The following COL5A1 variants were observed in gnomAD, a reference collection of about 807,000 sequenced individuals.
COL5A1 encodes collagen alpha-1(V) chain.
COL5A1 carries 16 observed loss-of-function variants against 263.7 expected under a neutral mutation model. That is an observed-to-expected ratio of 0.06 (90% CI 0.04 to 0.09). The LOEUF (loss-of-function observed/expected upper bound fraction) is 0.09, where lower values mean the gene tolerates loss of function less well. COL5A1 is among the 10% of genes least tolerant of loss of function. The probability of loss-of-function intolerance (pLI) is 1.00; values close to 1 mark genes in which losing one functional copy is unlikely to be tolerated. For synonymous variants in COL5A1, 1,012 were observed against 1,004.5 expected, an observed-to-expected ratio of 1.01 and a Z score of -0.14; for missense variants, 2,036 against 2,540.5, an observed-to-expected ratio of 0.80 and a Z score of 4.27.
At chr9:134,654,193 G>C (rs1212831973) in intron 1 of COL5A1, among the ~76,000 whole-genome samples, 2 of 147,340 alleles carry the variant, frequency 1.4e-5, no homozygotes, top group Non-Finnish European at 3.0e-5. Flanking sequence ...GAGGTGTGTA[G>C]GGCTGGAGGT....
At chr9:134,813,204 G>T (rs550358446) in intron 48 of COL5A1, among the ~76,000 whole-genome samples, 1 of 152,184 alleles carries the variant, frequency 6.6e-6, no homozygotes, top group African/African-American at 2.4e-5. Flanking sequence ...GTGTGTGTGT[G>T]TGTGCCTGTG....
chr9:134,759,842 G>T (rs564946674), intron 18 of COL5A1, among the ~76,000 whole-genome samples: 1 of 9,498 alleles, frequency 1.1e-4, no homozygotes, highest in Non-Finnish European at 1.6e-4. Context: ...CCCCACTCAC[G>T]CACACCCCCA....
At position 134,765,343 on chromosome 9, in the gene COL5A1, G is replaced by T. The variant is rs1387274246; in HGVS notation, c.2035-338G>T. Among the ~76,000 whole-genome samples, 1 of 151,760 alleles carries T rather than the reference G, an allele frequency of 6.6e-6. No homozygotes were observed. The highest frequency in any genetic ancestry group is 2.4e-5 in the African/African-American group (1 of 41,420). On this transcript the variant is annotated intron_variant, in intron 20 of 65. Transcript: ENST00000371817. The surrounding 1 kb of genome is among the most constrained non-coding windows in gnomAD (Gnocchi z 5.1). ...CCGTGCAGTGGAATGTTATAGCGTG[G>T]TGATTCTCTGGGGGAGCGTCTGCTC... is the stretch of plus-strand genomic sequence containing the variant.
intron 4 of COL5A1, among the ~76,000 whole-genome samples, chr9:134,726,253 G>A (rs1016803448): frequency 1.3e-5 from 2 of 152,170 alleles, no homozygotes; most frequent in African/African-American, 4.8e-5. Flanking sequence ...GAGTGAATGG[G>A]TGGTGGATTG....
chr9:134,665,706 C>T (rs995715854), intron 1 of COL5A1, among the ~76,000 whole-genome samples: 2 of 152,132 alleles, frequency 1.3e-5, no homozygotes, highest in Admixed American at 6.5e-5. Context: ...GTGGGGCTGG[C>T]GGCTCTGGGA....
intron 4 of COL5A1, among the ~76,000 whole-genome samples, chr9:134,711,952 G>A (rs1047578712): frequency 6.6e-5 from 10 of 151,502 alleles, no homozygotes; most frequent in African/African-American, 2.4e-4. Flanking sequence ...TGCCTGACAG[G>A]AAGTGAACCC....
chr9:134,716,679 T>A lies in COL5A1; in HGVS notation c.655-10587T>A, dbSNP rs1437783753. Among the ~76,000 whole-genome samples, 1 of 152,188 alleles carries A rather than the reference T, an allele frequency of 6.6e-6. No homozygotes were observed. The highest frequency in any genetic ancestry group is 1.5e-5 in the Non-Finnish European group (1 of 68,034). On this transcript the variant is annotated intron_variant, in intron 4 of 65. Coordinates refer to ENST00000371817, the MANE Select transcript of COL5A1 (RefSeq NM_000093.5). This position sits in a 1 kb window ranked among gnomAD's most constrained non-coding sequence, Gnocchi z 4.5. ...GATGAGGCCCCCTCTCCGAGTTTGC[T>A]GAGCTGACCCTTCAGTCCCTGTGGC... is the stretch of plus-strand genomic sequence containing the variant.
intron 1 of COL5A1, among the ~76,000 whole-genome samples, chr9:134,684,357 C>G (rs1379639477): frequency 6.6e-6 from 1 of 152,208 alleles, no homozygotes. Context: ...CGTTGCTGGG[C>G]TGGGTGCTGT....
At position 134,707,004 on chromosome 9, in the gene COL5A1, G is replaced by A. The variant is rs117014679; in HGVS notation, c.654+5671G>A. ...CCGGAGGGCTCCATGCACCTCTCTA[G>A]AGTCTCACCTCATCTATGGGCCCTG... On this transcript the variant is annotated intron_variant, in intron 4 of 65. Transcript: ENST00000371817. Among the ~76,000 whole-genome samples the A allele has an allele frequency of 6.6e-3, 1,000 of 152,344 alleles. 5 individuals are homozygous for A. The highest frequency in any genetic ancestry group is 0.014 in the Middle Eastern group (4 of 294).
chr9:134,742,531 G>A lies in COL5A1; in HGVS notation c.1494+3723G>A, dbSNP rs1214383606. ...CGCAGGGAGATAGAGGTAGACCTGGGGTTGAACTCAGATCTCCTGTGGCAG... is the reference window on the plus strand; with the variant it reads ...CGCAGGGAGATAGAGGTAGACCTGGAGTTGAACTCAGATCTCCTGTGGCAG... On this transcript the variant is annotated intron_variant, in intron 11 of 65. Coordinates refer to ENST00000371817, the MANE Select transcript of COL5A1 (RefSeq NM_000093.5). The surrounding 1 kb of genome is among the most constrained non-coding windows in gnomAD (Gnocchi z 4.6). 6.6e-6 allele frequency among the ~76,000 whole-genome samples: 1 copy of A among 152,152 alleles called. No individual in the cohort carries two copies. Among genetic ancestry groups the A allele is most frequent in the East Asian group, 1.9e-4 (1 of 5,170 alleles).
At chr9:134,723,213 T>TGCACCGCTGTCCTGAG (rs1212757840) in intron 4 of COL5A1, among the ~76,000 whole-genome samples, 1 of 152,182 alleles carries the variant, frequency 6.6e-6, no homozygotes, top group Non-Finnish European at 1.5e-5. Context: ...AGCTGCTTCC[T>TGCACCGCTGTCCTGAG]GCACCGCTGT....
intron 1 of COL5A1, among the ~76,000 whole-genome samples, chr9:134,649,882 A>G (rs576426383): frequency 3.3e-5 from 5 of 152,338 alleles, no homozygotes; most frequent in Admixed American, 2.0e-4. Context: ...TGTCCTTTGC[A>G]GGGACATGGA....
In COL5A1 at chr9:134,696,215, C is replaced by A. The variant is rs930148199; in HGVS notation, c.278-3694C>A. On this transcript the variant is annotated intron_variant, in intron 2 of 65. Transcript: ENST00000371817. This position sits in a 1 kb window ranked among gnomAD's most constrained non-coding sequence, Gnocchi z 4.3. The stretch of plus-strand genomic sequence containing the variant: ...TTGAGACAGAGTCTCACTCTGTCGC[C>A]CAGGCTGGAGTGCAGTGGTGTAATC... 6.6e-6 allele frequency among the ~76,000 whole-genome samples: 1 copy of A among 152,102 alleles called. No homozygotes were observed. The highest frequency in any genetic ancestry group is 6.5e-5 in the Admixed American group (1 of 15,270).
At chr9:134,649,463 A>G (rs1455977028) in intron 1 of COL5A1, 1 of 469,946 alleles carries the variant, frequency 2.1e-6, no homozygotes, top group Non-Finnish European at 4.4e-6. Flanking sequence ...CTGCCCATGA[A>G]ATGGAAGCTT....
At chr9:134,820,662 G>A (rs1001066788) in intron 58 of COL5A1, among the ~76,000 whole-genome samples, 4 of 152,166 alleles carry the variant, frequency 2.6e-5, no homozygotes, top group Non-Finnish European at 4.4e-5. Context: ...CCCCCAAACT[G>A]TAGCTCATTG....
At chr9:134,738,865 CCT>C (rs1835199148) in intron 11 of COL5A1, 57 bp downstream of exon 11, 21 of 1,382,240 alleles carry the variant, frequency 1.5e-5, no homozygotes. Flanking sequence ...GCCCACGCCT[CCT>C]CTCCACACTG....
chr9:134,791,727 G>C (rs941339691), intron 32 of COL5A1, among the ~76,000 whole-genome samples: 2 of 140,226 alleles, frequency 1.4e-5, no homozygotes, highest in African/African-American at 5.2e-5. Flanking sequence ...TTCGCCCTTG[G>C]CCGCCCTTCT....
intron 24 of COL5A1, among the ~76,000 whole-genome samples, chr9:134,768,200 G>A (rs924200359): frequency 2.0e-5 from 3 of 152,240 alleles, no homozygotes; most frequent in Admixed American, 6.5e-5. Flanking sequence ...TCCTACAGCA[G>A]AACCTGAAGG....
intron 64 of COL5A1, among the ~76,000 whole-genome samples, chr9:134,831,557 G>A (rs1311633364): frequency 6.6e-6 from 1 of 152,220 alleles, no homozygotes; most frequent in Non-Finnish European, 1.5e-5. Flanking sequence ...ATGCTGATGT[G>A]TGGGATCAGG....
Sources: allele counts gnomAD v4.1 joint callset (sites outside exome capture counted in the v4.1 genomes callset), GRCh38; gene constraint gnomAD v4.1.1; non-coding constraint Gnocchi (gnomAD v3.1); transcripts MANE v1.5; gene names NCBI Gene and HGNC (gene_info 2026-07-23, HGNC 2026-07-21).